IARS1: variants seen among roughly 807,000 people sequenced by gnomAD.
IARS1 encodes isoleucine--tRNA ligase, cytoplasmic.
Under a neutral mutation model 168.2 loss-of-function variants are expected in IARS1, and 124 were observed. That is an observed-to-expected ratio of 0.74 (90% CI 0.64 to 0.86). The LOEUF (loss-of-function observed/expected upper bound fraction) is 0.86, where lower values mean the gene tolerates loss of function less well. Ranked by LOEUF, IARS1 falls within the 40% of genes least tolerant of loss-of-function variation. The pLI is 0.00. For synonymous variants in IARS1, 532 were observed against 529.4 expected, an observed-to-expected ratio of 1.00 and a Z score of -0.07; for missense variants, 1,452 against 1,515.8, an observed-to-expected ratio of 0.96 and a Z score of 0.70.
chr9:92,229,057 A>G lies in IARS1; in HGVS notation c.3353T>C (p.Val1118Ala), dbSNP rs1305001695. ...RLDLLKLKSV[V>A]TSIFGVKNTE... ...ATTTTTCACACCAAAAATGCTAGTG[A>G]CAACACTCTTCAGCTTTAAAAGGTC... The change falls in exon 31 of 34, where the codon GTC becomes GCC. Residue 1118 changes from valine (V) to alanine (A), a missense_variant. Coordinates refer to ENST00000443024, the MANE Select transcript of IARS1 (RefSeq NM_002161.6). 6.2e-7 allele frequency: 1 copy of G among 1,614,168 alleles called. No homozygotes were observed. Among genetic ancestry groups the G allele is most frequent in the East Asian group, 2.2e-5 (1 of 44,884 alleles).
chr9:92,287,016 C>G (rs1297161002), intron 4 of IARS1, among the ~76,000 whole-genome samples: 1 of 152,194 alleles, frequency 6.6e-6, no homozygotes, highest in Non-Finnish European at 1.5e-5. Flanking sequence ...AAAACTACAA[C>G]TTTACAAAGC....
At chr9:92,230,066 G>C (rs1397101651) in intron 30 of IARS1, among the ~76,000 whole-genome samples, 1 of 151,762 alleles carries the variant, frequency 6.6e-6, no homozygotes, top group Non-Finnish European at 1.5e-5. Context: ...CAATCATACA[G>C]TATGGAACCT....
At chr9:92,248,439 G>A (rs1339006407) in intron 25 of IARS1, among the ~76,000 whole-genome samples, 2 of 151,744 alleles carry the variant, frequency 1.3e-5, no homozygotes, top group Non-Finnish European at 2.9e-5. Flanking sequence ...TCGGGAGATC[G>A]AGGTGGGAGG....
chr9:92,278,072 T>C, intron 8 of IARS1, 127 bp downstream of exon 8: 1 of 1,018,030 alleles, frequency 9.8e-7, no homozygotes, highest in Non-Finnish European at 1.5e-6. Flanking sequence ...CTTAGTATAG[T>C]ATTAGTACTT....
intron 33 of IARS1, among the ~76,000 whole-genome samples, chr9:92,220,205 G>A (rs544428428): frequency 6.8e-6 from 1 of 146,508 alleles, no homozygotes; most frequent in East Asian, 2.0e-4. Flanking sequence ...ACTCATAGGT[G>A]GGAAATGAAC....
At position 92,250,212 on chromosome 9, in the gene IARS1, C is replaced by T; in HGVS notation, c.2507G>A (p.Arg836Lys). 1 of 1,611,412 alleles carries T rather than the reference C, an allele frequency of 6.2e-7. No individual in the cohort carries two copies. Among genetic ancestry groups the T allele is most frequent in the Non-Finnish European group, 8.5e-7 (1 of 1,177,568 alleles). Residue 836 changes from arginine (R) to lysine (K), a missense_variant, in exon 24 of 34, where the codon AGA becomes AAA. Coordinates refer to ENST00000443024, the MANE Select transcript of IARS1 (RefSeq NM_002161.6). ...CTTTATGGGAATAGTTTTTCGGTCT[C>T]TGATCACTCTTCCAAGTTCAATCAC... ...QSVIELGRVI[R>K]DRKTIPIKYP... is the part of the protein sequence containing the mutation.
At chr9:92,293,460 A>G (rs1189500138) in intron 1 of IARS1, 151 bp downstream of exon 1, 2 of 532,478 alleles carry the variant, frequency 3.8e-6, no homozygotes, top group African/African-American at 3.9e-5. Flanking sequence ...AAAGGCGACC[A>G]TAAATTCCTG....
chr9:92,235,148 T>C lies in IARS1; in HGVS notation c.3283+5708A>G, dbSNP rs77907414. Among the ~76,000 whole-genome samples the C allele has an allele frequency of 8.5e-5, 13 of 152,296 alleles. No homozygotes were observed. The East Asian group carries it at 2.3e-3, about 27-fold the overall frequency. On this transcript the variant is annotated intron_variant, in intron 30 of 33. Transcript: ENST00000443024. ...AAGCCTGGCTTATTTTTTCAGGTGT[T>C]TGTATGTATGTTCCTTATGATTTTC...
chr9:92,276,648 C>T (rs575613753), intron 9 of IARS1, among the ~76,000 whole-genome samples: 43 of 152,302 alleles, frequency 2.8e-4, no homozygotes, highest in East Asian at 1.2e-3. Flanking sequence ...TCTCCCCACA[C>T]GGAACAGAAA....
intron 20 of IARS1, 141 bp from the exon 21 acceptor site, chr9:92,253,594 T>A: frequency 1.6e-6 from 1 of 634,574 alleles, no homozygotes; most frequent in South Asian, 1.9e-5. Flanking sequence ...CCAAAATGAA[T>A]CAATCACATA....
chr9:92,225,553 CAAGA>C (rs1825540565), intron 31 of IARS1, among the ~76,000 whole-genome samples: 1 of 143,870 alleles, frequency 7.0e-6, no homozygotes, highest in African/African-American at 2.6e-5. Flanking sequence ...TGAAGCAGTA[CAAGA>C]AAGAGTTAAA....
chr9:92,285,853 G>A lies in IARS1; in HGVS notation c.480-14C>T. On this transcript the variant is annotated splice_polypyrimidine_tract_variant and intron_variant, in intron 5 of 33. Transcript: ENST00000443024. ...TTGAAGACCCACCTGGTAAGAGATGGAGTTTCACAATTACAGAACAAAATT... is the reference window on the plus strand; with the variant it reads ...TTGAAGACCCACCTGGTAAGAGATGAAGTTTCACAATTACAGAACAAAATT... The A allele has an allele frequency of 7.1e-7, 1 of 1,404,310 alleles. No individual in the cohort carries two copies. Among genetic ancestry groups the A allele is most frequent in the South Asian group, 1.2e-5 (1 of 84,904 alleles). 87.0% of individuals were successfully genotyped at this position (1,404,310 alleles called of 1,614,324 possible).
intron 26 of IARS1, 21 bp downstream of exon 26, chr9:92,247,356 C>A: frequency 6.2e-7 from 1 of 1,604,648 alleles, no homozygotes; most frequent in South Asian, 1.1e-5. Flanking sequence ...AAATGGTGCC[C>A]TTGTCTGTGT....
chr9:92,241,003 G>C (rs1828313055), intron 29 of IARS1, 42 bp from the exon 30 acceptor site: 2 of 1,138,674 alleles, frequency 1.8e-6, no homozygotes, highest in Non-Finnish European at 2.7e-6. Context: ...TGTGGCACCT[G>C]ACTGCAATGT....
At chr9:92,221,751 A>G (rs1483703176) in intron 33 of IARS1, among the ~76,000 whole-genome samples, 1 of 152,196 alleles carries the variant, frequency 6.6e-6, no homozygotes, top group Non-Finnish European at 1.5e-5. Flanking sequence ...GAATATGTCA[A>G]CTGATGATCT....
intron 30 of IARS1, among the ~76,000 whole-genome samples, chr9:92,231,414 CTTTTTTTTT>C (rs869062848): frequency 1.5e-5 from 2 of 135,134 alleles, no homozygotes; most frequent in Non-Finnish European, 3.2e-5. Context: ...TTATTTTTTT[CTTTTTTTTT>C]TTTTTTTGAG....
At chr9:92,213,393 G>A (rs554048181) in intron 33 of IARS1, among the ~76,000 whole-genome samples, 4 of 152,314 alleles carry the variant, frequency 2.6e-5, no homozygotes, top group Non-Finnish European at 4.4e-5. Context: ...AATGTAATCG[G>A]TTAATAATGG....
chr9:92,250,112 C>G (rs1437691491), intron 24 of IARS1, 75 bp downstream of exon 24: 5 of 1,042,336 alleles, frequency 4.8e-6, no homozygotes, highest in Non-Finnish European at 7.5e-6. Context: ...TGGAAGCTCT[C>G]TATATTAAAA....
chr9:92,271,105 T>A, intron 11 of IARS1, 29 bp from the exon 12 acceptor site: 1 of 1,403,024 alleles, frequency 7.1e-7, no homozygotes, highest in Non-Finnish European at 1.0e-6. Context: ...ATTTAGCCAT[T>A]AAAACATACT....
Sources: allele counts gnomAD v4.1 joint callset (sites outside exome capture counted in the v4.1 genomes callset), GRCh38; gene constraint gnomAD v4.1.1; transcripts MANE v1.5; gene names NCBI Gene and HGNC (gene_info 2026-07-23, HGNC 2026-07-21).